Variants in BRWD1 observed in about 807,000 individuals in gnomAD.
BRWD1 encodes the protein bromodomain and WD repeat domain containing 1.
BRWD1 carries 82 observed loss-of-function variants against 251.2 expected under a neutral mutation model. The observed-to-expected ratio is 0.33, with a 90% CI of 0.27 to 0.39. The LOEUF (loss-of-function observed/expected upper bound fraction) is 0.39, where lower values mean the gene tolerates loss of function less well. Among genes scored for constraint, BRWD1 ranks in the 10% least tolerant of loss-of-function variants. The pLI, the probability that BRWD1 is intolerant of heterozygous loss-of-function variation, is 1.00. For synonymous variants in BRWD1, 918 were observed against 902.8 expected, an observed-to-expected ratio of 1.02 and a Z score of -0.30; for missense variants, 2,233 against 2,711.6, an observed-to-expected ratio of 0.82 and a Z score of 3.92.
intron 17 of BRWD1, among the ~76,000 whole-genome samples, chr21:39,260,824 GGAA>G (rs761364296): frequency 2.4e-4 from 37 of 152,282 alleles, no homozygotes; most frequent in Admixed American, 7.2e-4. Context: ...AGAGTTTGCT[GGAA>G]GAAGAATGTT....
Position 39,192,616 on chromosome 21 carries a change from CT to C in BRWD1, c.*3642del. 1.0e-6 allele frequency: 1 copy of C among 983,374 alleles called. No homozygotes were observed. The allele number at this position is 983,374 out of a possible 1,614,324, so 60.9% of individuals were successfully genotyped here. A position where few individuals can be genotyped will look rare whatever the true frequency, so the allele number is the denominator to read the frequency against. On this transcript the variant is annotated 3_prime_UTR_variant, in exon 41 of 41. Coordinates refer to ENST00000342449, the MANE Select transcript of BRWD1 (RefSeq NM_033656.4). Reference sequence around the variant, plus strand: ...GTATTTGGTGACAACTGCAAGATACCTGATAAATAAATATATCAACTTACTA... The same window carrying C: ...GTATTTGGTGACAACTGCAAGATACCGATAAATAAATATATCAACTTACTA...
At chr21:39,266,894 C>T (rs932715644) in intron 15 of BRWD1, among the ~76,000 whole-genome samples, 2 of 152,148 alleles carry the variant, frequency 1.3e-5, no homozygotes, top group African/African-American at 2.4e-5. Context: ...TTGTTGCCCA[C>T]GTGAAATGTT....
At chr21:39,264,428 T>TAA (rs33939736) in intron 17 of BRWD1, 32 bp downstream of exon 17, 220 of 1,161,128 alleles carry the variant, frequency 1.9e-4, no homozygotes, top group African/African-American at 1.6e-3. Flanking sequence ...AGTACAACTT[T>TAA]AAAAAAAAAA....
chr21:39,295,252 T>C (rs2035930254), intron 7 of BRWD1, among the ~76,000 whole-genome samples: 1 of 146,178 alleles, frequency 6.8e-6, no homozygotes, highest in South Asian at 2.2e-4. Context: ...AGTGGGGCGA[T>C]TTCTGCACAC....
Position 39,258,484 on chromosome 21 carries a change from T to C in BRWD1, c.2071+3A>G. 1 of 1,576,240 alleles carries C rather than the reference T, an allele frequency of 6.3e-7. No homozygotes were observed. The highest frequency in any genetic ancestry group is 8.6e-7 in the Non-Finnish European group (1 of 1,162,106). On this transcript the variant is annotated splice_donor_region_variant and intron_variant, in intron 18 of 40. Coordinates refer to ENST00000342449, the MANE Select transcript of BRWD1 (RefSeq NM_033656.4). ...AGGTAAAACATTTATCACTATTTATTACCTCTCCGGGGTGTTTCTTCACCA... is the reference window on the plus strand; with the variant it reads ...AGGTAAAACATTTATCACTATTTATCACCTCTCCGGGGTGTTTCTTCACCA...
intron 21 of BRWD1, among the ~76,000 whole-genome samples, chr21:39,246,758 G>A (rs1303482150): frequency 1.3e-5 from 2 of 152,294 alleles, no homozygotes; most frequent in South Asian, 2.1e-4. Flanking sequence ...ATTATGCAAT[G>A]TCAAAGAAGC....
At chr21:39,276,014 G>A (rs996154659) in intron 12 of BRWD1, among the ~76,000 whole-genome samples, 159 bp downstream of exon 12, 3 of 151,772 alleles carry the variant, frequency 2.0e-5, no homozygotes, top group Non-Finnish European at 2.9e-5. Context: ...CCTGGGCAAC[G>A]AGAGCGAAAC....
chr21:39,272,431 G>A (rs2035147088), intron 13 of BRWD1, among the ~76,000 whole-genome samples: 1 of 151,624 alleles, frequency 6.6e-6, no homozygotes, highest in African/African-American at 2.4e-5. Flanking sequence ...TGAGGCTGAG[G>A]CAGGAGAACG....
intron 27 of BRWD1, among the ~76,000 whole-genome samples, chr21:39,225,752 C>CT (rs2033358777): frequency 6.6e-6 from 1 of 152,130 alleles, no homozygotes; most frequent in African/African-American, 2.4e-5. Context: ...GCCATAACTA[C>CT]TAGACCTACA....
chr21:39,232,532 T>C, intron 23 of BRWD1, 34 bp from the exon 24 acceptor site: 1 of 1,577,766 alleles, frequency 6.3e-7, no homozygotes, highest in Middle Eastern at 1.7e-4. Flanking sequence ...TTTCTTAGAT[T>C]AGAAAGGGGC....
Position 39,276,210 on chromosome 21 carries a change from T to C in BRWD1, c.1108A>G (p.Lys370Glu). The C allele has an allele frequency of 6.2e-7, 1 of 1,602,646 alleles. No individual in the cohort carries two copies. Among genetic ancestry groups the C allele is most frequent in the Non-Finnish European group, 8.5e-7 (1 of 1,172,706 alleles). Residue 370 changes from lysine (K) to glutamate (E), a missense_variant, in exon 12 of 41, where the codon AAA becomes GAA. Lys to Glu is a moderately conservative substitution (Grantham distance 56). Transcript: ENST00000342449. ...TTACAAAATTGGATACTATCTACTTTATCCTAAAGGGGGGAAAAGGACAAA... is the reference window on the plus strand; with the variant it reads ...TTACAAAATTGGATACTATCTACTTCATCCTAAAGGGGGGAAAAGGACAAA... ...KIAELESHTD[K>E]VDSIQFCNNG... is the part of the protein sequence containing the mutation.
chr21:39,228,086 G>A (rs902664180), intron 27 of BRWD1, among the ~76,000 whole-genome samples: 2 of 152,078 alleles, frequency 1.3e-5, no homozygotes, highest in African/African-American at 4.8e-5. Context: ...TCAGGAGTTC[G>A]AGTCCAGCCT....
chr21:39,314,029 G>A, upstream of BRWD1: 1 of 455,484 alleles, frequency 2.2e-6, no homozygotes, highest in Non-Finnish European at 4.4e-6. Flanking sequence ...GACCGCAGGG[G>A]CCCCGAGTCG....
In BRWD1 at chr21:39,240,087, C is replaced by A. The variant is rs181562654; in HGVS notation, c.2482-1514G>T. ...CAAACAAACAAACAAAAAAATCAAGCCATGAGAAGGCATGTAGGAAATGTA... is the reference window on the plus strand; with the variant it reads ...CAAACAAACAAACAAAAAAATCAAGACATGAGAAGGCATGTAGGAAATGTA... On this transcript the variant is annotated intron_variant, in intron 21 of 40. Coordinates refer to ENST00000342449, the MANE Select transcript of BRWD1 (RefSeq NM_033656.4). Among the ~76,000 whole-genome samples, 193 of 152,090 alleles carry A rather than the reference C, an allele frequency of 1.3e-3. 1 individual carries two copies. Among genetic ancestry groups the A allele is most frequent in the African/African-American group, 4.1e-3 (169 of 41,480 alleles).
intron 4 of BRWD1, among the ~76,000 whole-genome samples, chr21:39,308,929 A>G (rs2036376320): frequency 6.6e-6 from 1 of 152,128 alleles, no homozygotes; most frequent in Non-Finnish European, 1.5e-5. Flanking sequence ...TAATCCCAGC[A>G]CTTTGGGAGG....
In BRWD1 at chr21:39,193,594, C is replaced by A. The variant is rs1475253059; in HGVS notation, c.*2665G>T. 1 of 985,386 alleles carries A rather than the reference C, an allele frequency of 1.0e-6. No individual in the cohort carries two copies. The highest frequency in any genetic ancestry group is 1.2e-6 in the Non-Finnish European group (1 of 829,602). 61.0% of individuals were successfully genotyped at this position (985,386 alleles called of 1,614,324 possible). ...AAAACCATAGGACTTTGGACATACA[C>A]AACCAAAGTAGTTTTTGTTTTTCAC... On this transcript the variant is annotated 3_prime_UTR_variant, in exon 41 of 41. Transcript: ENST00000342449.
At chr21:39,297,362 AAAAC>A (rs2035988491) in intron 5 of BRWD1, 10 of 985,460 alleles carry the variant, frequency 1.0e-5, no homozygotes, top group Admixed American at 1.2e-4. Context: ...GTACCAGTAC[AAAAC>A]AAACAGAGAA....
At chr21:39,215,207 C>G in intron 32 of BRWD1, 30 bp downstream of exon 32, 1 of 1,604,312 alleles carries the variant, frequency 6.2e-7, no homozygotes, top group African/African-American at 1.3e-5. Flanking sequence ...TATGCAGTCA[C>G]TTTTACACAA....
chr21:39,264,779 G>A, intron 16 of BRWD1, 94 bp from the exon 17 acceptor site: 1 of 1,510,972 alleles, frequency 6.6e-7, no homozygotes, highest in Non-Finnish European at 9.0e-7. Context: ...GAAAAACAAG[G>A]AAATCAAATC....
Sources: gnomAD v4.1 joint callset for allele counts (sites outside exome capture counted in the v4.1 genomes callset) on GRCh38, gnomAD v4.1.1 for gene constraint, MANE v1.5 for transcripts, NCBI Gene and HGNC (gene_info 2026-07-23, HGNC 2026-07-21) for gene names.